Variants in MST1R observed in about 807,000 individuals in gnomAD.
MST1R encodes macrophage stimulating 1 receptor, also known as macrophage-stimulating protein receptor.
MST1R carries 99 observed loss-of-function variants against 117.8 expected under a neutral mutation model. The observed-to-expected ratio is 0.84, with a 90% CI of 0.71 to 0.99. The LOEUF (loss-of-function observed/expected upper bound fraction) is 0.99. Ranked by LOEUF, MST1R falls within the 50% of genes least tolerant of loss-of-function variation. The pLI, the probability that MST1R is intolerant of heterozygous loss-of-function variation, is 0.00. For missense variants in MST1R, 1,683 were observed against 1,840.2 expected (o/e 0.91, Z 1.56); for synonymous variants, 734 against 765.3 (o/e 0.96, Z 0.68).
chr3:49,898,159 C>T lies in MST1R; in HGVS notation c.1772G>A (p.Gly591Asp). 1 of 1,613,964 alleles carries T rather than the reference C, an allele frequency of 6.2e-7. No homozygotes were observed. Among genetic ancestry groups the T allele is most frequent in the South Asian group, 1.1e-5 (1 of 91,090 alleles). Reference sequence around the variant, plus strand: ...AGAAGGGTGAAGGTAGAAGTTGGAGCCACACAGGGTCAGCCTTGTACTGCC... The same window carrying T: ...AGAAGGGTGAAGGTAGAAGTTGGAGTCACACAGGGTCAGCCTTGTACTGCC... ...LRGSTRLTLC[G>D]SNFYLHPSGL... Residue 591 changes from glycine to aspartate, a missense_variant, in exon 5 of 20, where the codon GGC (glycine) becomes GAC (aspartate). By Grantham distance (94) the Gly-to-Asp change is moderately conservative. Coordinates refer to ENST00000296474, the MANE Select transcript of MST1R (RefSeq NM_002447.4).
At chr3:49,896,966 A>G in intron 7 of MST1R, 76 bp from the exon 8 acceptor site, 2 of 1,425,088 alleles carry the variant, frequency 1.4e-6, no homozygotes, top group Non-Finnish European at 1.9e-6. Flanking sequence ...GGGCCTGTTG[A>G]CCTCTCCCAG....
rs549335090 is a variant in MST1R at position 49,898,765 on chromosome 3, A to G, written c.1549-77T>C. 55 of 1,604,848 alleles carry G rather than the reference A, an allele frequency of 3.4e-5. No individual in the cohort carries two copies. The Admixed American group carries it at 4.0e-4, about 12-fold the overall frequency. On this transcript the variant is annotated intron_variant, in intron 3 of 19. Transcript: ENST00000296474. ...CCTATAGACCCTCCCGGTACACAGT[A>G]GGCTAGGGTGGTAGGGCCTGTATGT...
rs143096514 is a variant in MST1R at position 49,895,807 on chromosome 3, G to A, written c.2870C>T (p.Thr957Met). The change falls in exon 12 of 20, where the codon ACG (threonine) becomes ATG (methionine). Residue 957 changes from threonine (T) to methionine (M), a missense_variant. Thr to Met is a moderately conservative substitution (Grantham distance 81, BLOSUM62 -1). Coordinates refer to ENST00000296474, the MANE Select transcript of MST1R (RefSeq NM_002447.4). ...CAAAGGCAGCAGGATACCAAGGAGC[G>A]TGCTCTGTGGGACCCCATCTGGCCC... is the stretch of plus-strand genomic sequence containing the variant. ...RPGPDGVPQS[T>M]LLGILLPLLL... 6,267 of 1,613,964 alleles carry A rather than the reference G, an allele frequency of 3.9e-3. 388 individuals are homozygous for A. In the Admixed American group the frequency reaches 0.099, roughly 25 times the overall value.
intron 19 of MST1R, among the ~76,000 whole-genome samples, chr3:49,888,737 G>A (rs2082232720): frequency 6.6e-6 from 1 of 152,196 alleles, no homozygotes; most frequent in Non-Finnish European, 1.5e-5. Context: ...TGTCATTCCT[G>A]CCTGAAATAA....
intron 10 of MST1R, 35 bp from the exon 11 acceptor site, chr3:49,896,142 TG>T: frequency 6.2e-7 from 1 of 1,614,172 alleles, no homozygotes; most frequent in East Asian, 2.2e-5. Flanking sequence ...GCCAGTAGGC[TG>T]GCCCCTACTT....
rs2108514743 is a variant in MST1R, at chr3:49,903,459, C to T, written c.151G>A (p.Ala51Thr). 1.2e-6 allele frequency: 2 copies of T among 1,613,282 alleles called. No homozygotes were observed. The highest frequency in any genetic ancestry group is 1.7e-6 in the Non-Finnish European group (2 of 1,179,994). Reference protein sequence around the residue: ...DVKYVVPSFSAGGLVQAMVTY... With the variant: ...DVKYVVPSFSTGGLVQAMVTY... The stretch of plus-strand genomic sequence containing the variant: ...ACCATGGCCTGTACCAGGCCTCCGG[C>T]GGAGAAGCTGGGCACCACGTACTTC... Residue 51 changes from alanine (A) to threonine (T), a missense_variant, in exon 1 of 20, where the codon GCC becomes ACC. Physicochemically the swap from Ala to Thr is moderately conservative, Grantham distance 58. Transcript: ENST00000296474.
At position 49,903,520 on chromosome 3, in the gene MST1R, C is replaced by A. The variant is rs746574431; in HGVS notation, c.90G>T (p.Pro30=). ...CGCGAGAGGCCGCGTAGGGGGTGCG[C>A]GGGCACTGCCAGTCCTCGCCCGCCG... ...KPAAGEDWQC[P]RTPYAASRDF... The change falls in exon 1 of 20, where the codon CCG becomes CCT. Residue 30 remains proline, a synonymous_variant. Transcript: ENST00000296474. The A allele has an allele frequency of 1.2e-6, 2 of 1,606,978 alleles. No homozygotes were observed. Among genetic ancestry groups the A allele is most frequent in the Non-Finnish European group, 1.7e-6 (2 of 1,179,490 alleles).
chr3:49,897,682 T>C lies in MST1R; in HGVS notation c.1884A>G (p.Pro628=). ...CCTCTACAAAGTCTTTCCGGGGCAC[T>C]GGTCTGGGGCACCAGGGGAACCCCT... ...PLPKDSSKLR[P]VPRKDFVEEF... is the part of the protein sequence containing the mutation. Residue 628 remains proline, a synonymous_variant, in exon 6 of 20, where the codon CCA becomes CCG. Transcript: ENST00000296474. The C allele has an allele frequency of 6.2e-7, 1 of 1,610,786 alleles. No homozygotes were observed.
Position 49,897,581 on chromosome 3 carries a change from AT to A in MST1R, c.1984del (p.Met662CysfsTer9), listed in dbSNP as rs1384925259. On this transcript the variant is annotated frameshift_variant, in exon 6 of 20. Coordinates refer to ENST00000296474, the MANE Select transcript of MST1R (RefSeq NM_002447.4). LOFTEE classifies it high-confidence loss of function. Reference protein sequence around the residue: ...PTNVSLTVTNMPPGKHFRVDG... With the variant: ...PTNVSLTVTNXPPGKHFRVDG... ...TACCCGGAAGTGCTTGCCCGGTGGCATGTTAGTCACGGTGAGGCTGACGTTG... is the reference window on the plus strand; with the variant it reads ...TACCCGGAAGTGCTTGCCCGGTGGCAGTTAGTCACGGTGAGGCTGACGTTG... 2.5e-5 allele frequency: 41 copies of A among 1,614,006 alleles called. No individual in the cohort carries two copies. Among genetic ancestry groups the A allele is most frequent in the Non-Finnish European group, 3.5e-5 (41 of 1,180,034 alleles).
chr3:49,902,297 T>C, intron 1 of MST1R, 83 bp downstream of exon 1: 1 of 1,484,998 alleles, frequency 6.7e-7, no homozygotes, highest in South Asian at 1.3e-5. Context: ...CGCCCCCAGA[T>C]CCCCTCAGTG....
chr3:49,902,797 ATC>A lies in MST1R; in HGVS notation c.811_812del (p.Asp271Ter). 1 of 1,613,912 alleles carries A rather than the reference ATC, an allele frequency of 6.2e-7. No homozygotes were observed. The highest frequency in any genetic ancestry group is 8.5e-7 in the Non-Finnish European group (1 of 1,180,048). ...FLTVQPASVT[D>X]DPSALHTRLA... is the part of the protein sequence containing the mutation. ...GGCGTGTGTGCAGGGCACTAGGATC[ATC>A]TGTCACGCTGGCCGGCTGTACAGTC... is the stretch of plus-strand genomic sequence containing the variant. On this transcript the variant is annotated frameshift_variant, in exon 1 of 20. Transcript: ENST00000296474. LOFTEE classifies it high-confidence loss of function.
intron 1 of MST1R, chr3:49,899,541 T>A: frequency 4.3e-6 from 1 of 234,476 alleles, no homozygotes; most frequent in Non-Finnish European, 8.1e-6. Flanking sequence ...CATTCCATCC[T>A]CACAACCACC....
intron 15 of MST1R, 61 bp downstream of exon 15, chr3:49,891,696 GA>G (rs2108391920): frequency 6.2e-7 from 1 of 1,609,450 alleles, no homozygotes. Flanking sequence ...GGAACACAGA[GA>G]AAAAGAATCC....
At position 49,893,044 on chromosome 3, in the gene MST1R, C is replaced by T. The variant is rs569596971; in HGVS notation, c.3272-1206G>A. On this transcript the variant is annotated intron_variant, in intron 14 of 19. Transcript: ENST00000296474. ...CTGTAATCCCAGCACTTCGGGAGGC[C>T]GAGGCGGGCGGATCACCTGAGGTCG... is the stretch of plus-strand genomic sequence containing the variant. Among the ~76,000 whole-genome samples, 774 of 150,766 alleles carry T rather than the reference C, an allele frequency of 5.1e-3. 6 individuals carry two copies. The highest frequency in any genetic ancestry group is 0.018 in the African/African-American group (746 of 40,972).
intron 17 of MST1R, 122 bp downstream of exon 17, chr3:49,891,071 CAAAA>C: frequency 1.1e-6 from 1 of 891,584 alleles, no homozygotes; most frequent in Non-Finnish European, 1.7e-6. Flanking sequence ...ACTGGGCAGA[CAAAA>C]AAAGTAAGGT....
chr3:49,903,658 C>T lies in MST1R; in HGVS notation c.-49G>A, dbSNP rs765231539. 2 of 1,519,464 alleles carry T rather than the reference C, an allele frequency of 1.3e-6. No individual in the cohort carries two copies. The highest frequency in any genetic ancestry group is 1.4e-5 in the African/African-American group (1 of 72,384). 94.1% of individuals were successfully genotyped at this position (1,519,464 alleles called of 1,614,324 possible). A position where few individuals can be genotyped will look rare whatever the true frequency, so the allele number is the denominator to read the frequency against. Reference sequence around the variant, plus strand: ...GATCCCTACCGGCCTGGGCCTGGACCTGGGCGTGGGCCTGGCTGGGGGCCC... The same window carrying T: ...GATCCCTACCGGCCTGGGCCTGGACTTGGGCGTGGGCCTGGCTGGGGGCCC... On this transcript the variant is annotated 5_prime_UTR_variant, in exon 1 of 20. Transcript: ENST00000296474.
At chr3:49,898,443 G>A in intron 4 of MST1R, 75 bp downstream of exon 4, 3 of 1,554,776 alleles carry the variant, frequency 1.9e-6, no homozygotes, top group Non-Finnish European at 2.6e-6. Context: ...GAAAAATTGT[G>A]ATCAAGACTT....
chr3:49,903,331 C>G lies in MST1R; in HGVS notation c.279G>C (p.Thr93=), dbSNP rs771698576. ...GGCAGCCAGGGTCTCCAGCAGGGCC[C>G]GTGGCCAGGCTCTGGACAGACTTCA... ...PDLKSVQSLA[T]GPAGDPGCQT... The change falls in exon 1 of 20, where the codon ACG becomes ACC. Residue 93 remains threonine, a synonymous_variant. Transcript: ENST00000296474. The G allele has an allele frequency of 3.1e-6, 5 of 1,613,242 alleles. No individual in the cohort carries two copies. The highest frequency in any genetic ancestry group is 1.6e-4 in the Middle Eastern group (1 of 6,084).
chr3:49,898,732 G>C, intron 3 of MST1R, 44 bp from the exon 4 acceptor site: 1 of 1,610,938 alleles, frequency 6.2e-7, no homozygotes, highest in Non-Finnish European at 8.5e-7. Flanking sequence ...TGGAGGGAGA[G>C]ATTGGGCCCT....
Sources: allele counts gnomAD v4.1 joint callset (sites outside exome capture counted in the v4.1 genomes callset), GRCh38; gene constraint gnomAD v4.1.1; transcripts MANE v1.5; gene names NCBI Gene and HGNC (gene_info 2026-07-23, HGNC 2026-07-21).